Variants in ITIH5 observed in about 807,000 individuals in gnomAD.
ITIH5 encodes the protein inter-alpha-trypsin inhibitor heavy chain H5.
In ITIH5, 65 loss-of-function variants were observed where a neutral mutation model predicts 77.5. That is an observed-to-expected ratio of 0.84 (90% CI 0.69 to 1.03). The LOEUF (loss-of-function observed/expected upper bound fraction) is 1.03, where lower values mean the gene tolerates loss of function less well. Ranked by LOEUF, ITIH5 falls within the 50% of genes least tolerant of loss-of-function variation. The pLI is 0.00. For synonymous variants in ITIH5, 525 were observed against 494.3 expected (o/e 1.06, Z -0.82); for missense variants, 1,208 against 1,213.1 (o/e 1.00, Z 0.06).
rs1423300550 is a variant in ITIH5, at chr10:7,576,479, C to T, written c.1952G>A (p.Ser651Asn). The change falls in exon 10 of 14, where the codon AGC (serine) becomes AAC (asparagine). Residue 651 changes from serine to asparagine, a missense_variant. Physicochemically the swap from Ser to Asn is conservative, Grantham distance 46. Coordinates refer to ENST00000397146, the MANE Select transcript of ITIH5 (RefSeq NM_030569.7). ...TGGCTGCGTGCCAGCTCCTCGCACG[C>T]TCTGCACCACCGGTTCGGGTCCCAT... ...AAMGPEPVVQ[S>N]VRGAGTQPGP... is the part of the protein sequence containing the mutation. 6 of 1,605,808 alleles carry T rather than the reference C, an allele frequency of 3.7e-6. No homozygotes were observed. Among genetic ancestry groups the T allele is most frequent in the Non-Finnish European group, 5.1e-6 (6 of 1,178,768 alleles).
chr10:7,566,724 TA>T (rs758378979), intron 12 of ITIH5, among the ~76,000 whole-genome samples: 130 of 9,114 alleles, frequency 0.014, 9 homozygotes, highest in Non-Finnish European at 0.018. Flanking sequence ...CCTATCTCAT[TA>T]AAAAAAAAAA....
At chr10:7,657,156 TG>T (rs1240546200) in intron 1 of ITIH5, among the ~76,000 whole-genome samples, 1 of 149,232 alleles carries the variant, frequency 6.7e-6, no homozygotes, top group Non-Finnish European at 1.5e-5. Flanking sequence ...GCGATTCCCC[TG>T]CCTTAGCCTC....
intron 5 of ITIH5, among the ~76,000 whole-genome samples, chr10:7,623,802 CA>C (rs55790282): frequency 0.017 from 1,346 of 80,322 alleles, 16 homozygotes; most frequent in African/African-American, 0.048. Context: ...GACTCCATCT[CA>C]AAAAAAAAAA....
intron 5 of ITIH5, among the ~76,000 whole-genome samples, chr10:7,623,519 T>A (rs975701440): frequency 1.3e-5 from 2 of 152,138 alleles, no homozygotes; most frequent in Admixed American, 1.3e-4. Flanking sequence ...AATACCTTCA[T>A]AAGGCCGGGC....
intron 1 of ITIH5, among the ~76,000 whole-genome samples, chr10:7,657,699 A>C (rs1298277455): frequency 6.6e-6 from 1 of 152,226 alleles, no homozygotes; most frequent in African/African-American, 2.4e-5. Context: ...ATATATTCCT[A>C]GCTCTCTGCC....
chr10:7,606,027 T>G (rs1833119178), intron 7 of ITIH5, among the ~76,000 whole-genome samples: 1 of 152,204 alleles, frequency 6.6e-6, no homozygotes, highest in Non-Finnish European at 1.5e-5. Context: ...CTGACAAGTG[T>G]CTCTTTGTAT....
chr10:7,572,027 T>C lies in ITIH5; in HGVS notation c.2032+1115A>G, dbSNP rs917819054. On this transcript the variant is annotated intron_variant, in intron 11 of 13. Transcript: ENST00000397146. ...CAAATTTCTTTACAAGGAAAGATAG[T>C]GCTTGCTCCAAAAAAGAGGGGAGGG... The C allele has an allele frequency of 5.9e-6, 6 of 1,013,156 alleles. No individual in the cohort carries two copies. The African/African-American group carries it at 8.6e-5, about 15-fold the overall frequency. 62.8% of individuals were successfully genotyped at this position (1,013,156 alleles called of 1,614,324 possible). A position where few individuals can be genotyped will look rare whatever the true frequency, so the allele number is the denominator to read the frequency against.
At chr10:7,644,239 G>GA (rs71294404) in intron 2 of ITIH5, among the ~76,000 whole-genome samples, 24,056 of 146,654 alleles carry the variant, frequency 0.16, 2,106 homozygotes, top group South Asian at 0.22. Flanking sequence ...CCCTGTCACA[G>GA]AAAAAAAATA....
chr10:7,618,303 T>C (rs1833409230), intron 5 of ITIH5: 1 of 152,040 alleles, frequency 6.6e-6, no homozygotes, highest in South Asian at 2.1e-4. Flanking sequence ...TTCTCAAAGC[T>C]TTTTCACATG....
At position 7,576,747 on chromosome 10, in the gene ITIH5, G is replaced by T; in HGVS notation, c.1684C>A (p.Pro562Thr). The T allele has an allele frequency of 6.2e-7, 1 of 1,613,762 alleles. No individual in the cohort carries two copies. Among genetic ancestry groups the T allele is most frequent in the African/African-American group, 1.3e-5 (1 of 74,862 alleles). ...AGKDVTGSPR[P>T]GGDGEGDTNH... The stretch of plus-strand genomic sequence containing the variant: ...GTGTCCCCCTCTCCATCGCCTCCAG[G>T]CCTGGGGCTTCCTGTGACATCTTTC... The change falls in exon 10 of 14, where the codon CCT (proline) becomes ACT (threonine). Residue 562 changes from proline (P) to threonine (T), a missense_variant. Pro to Thr is a conservative substitution (Grantham distance 38, BLOSUM62 -1). Transcript: ENST00000397146.
intron 5 of ITIH5, among the ~76,000 whole-genome samples, chr10:7,628,353 T>A (rs927031071): frequency 9.2e-5 from 14 of 152,226 alleles, no homozygotes; most frequent in African/African-American, 3.4e-4. Context: ...TCTGGACATT[T>A]CAGCTAAATG....
intron 1 of ITIH5, among the ~76,000 whole-genome samples, chr10:7,663,936 A>G (rs2131120714): frequency 6.6e-6 from 1 of 152,346 alleles, no homozygotes; most frequent in Admixed American, 6.5e-5. Flanking sequence ...GGCTTTTACT[A>G]TTTTGTCAAT....
intron 5 of ITIH5, among the ~76,000 whole-genome samples, chr10:7,624,120 T>C (rs1344387932): frequency 6.6e-6 from 1 of 152,172 alleles, no homozygotes; most frequent in African/African-American, 2.4e-5. Context: ...CAGTTTTCCA[T>C]ATTTGAAAAA....
At chr10:7,601,523 C>T (rs900218735) in intron 7 of ITIH5, among the ~76,000 whole-genome samples, 4 of 152,178 alleles carry the variant, frequency 2.6e-5, no homozygotes, top group Non-Finnish European at 5.9e-5. Flanking sequence ...AAGTCTGCTC[C>T]GTAGGAACTC....
At chr10:7,634,630 A>G (rs1476786834) in intron 5 of ITIH5, among the ~76,000 whole-genome samples, 1 of 152,206 alleles carries the variant, frequency 6.6e-6, no homozygotes, top group East Asian at 1.9e-4. Flanking sequence ...GTCATAATTC[A>G]TACTCCCTCC....
At chr10:7,625,242 C>G (rs1833557043) in intron 5 of ITIH5, among the ~76,000 whole-genome samples, 1 of 151,900 alleles carries the variant, frequency 6.6e-6, no homozygotes, top group Non-Finnish European at 1.5e-5. Flanking sequence ...GTGAAATAAG[C>G]CAGACACAAA....
At chr10:7,646,394 A>C (rs1834010818) in intron 2 of ITIH5, among the ~76,000 whole-genome samples, 1 of 152,252 alleles carries the variant, frequency 6.6e-6, no homozygotes, top group Admixed American at 6.5e-5. Context: ...TCCCAGAGAC[A>C]ATGTTTGACA....
At chr10:7,616,623 T>C (rs950335628) in intron 6 of ITIH5, among the ~76,000 whole-genome samples, 1 of 151,176 alleles carries the variant, frequency 6.6e-6, no homozygotes, top group Non-Finnish European at 1.5e-5. Flanking sequence ...AGGTCAGGAG[T>C]TCGAGACCAG....
At chr10:7,629,324 TG>T (rs1228300079) in intron 5 of ITIH5, among the ~76,000 whole-genome samples, 7 of 124,948 alleles carry the variant, frequency 5.6e-5, no homozygotes, top group African/African-American at 2.6e-4. Flanking sequence ...CGTGTGCCCA[TG>T]TTGTAGCGTG....
Sources: allele counts gnomAD v4.1 joint callset (sites outside exome capture counted in the v4.1 genomes callset), GRCh38; gene constraint gnomAD v4.1.1; transcripts MANE v1.5; gene names NCBI Gene and HGNC (gene_info 2026-07-23, HGNC 2026-07-21).